Variants in SPECC1L observed in about 807,000 individuals in gnomAD.
The protein encoded by SPECC1L is cytospin-A.
In SPECC1L, 40 loss-of-function variants were observed where a neutral mutation model predicts 116.8. The ratio of observed to expected loss-of-function variants is 0.34; its 90% confidence interval spans 0.27 to 0.45. SPECC1L has a LOEUF of 0.45. Among genes scored for constraint, SPECC1L ranks in the 20% least tolerant of loss-of-function variants. The probability of loss-of-function intolerance (pLI) is 1.00; values close to 1 mark genes in which losing one functional copy is unlikely to be tolerated. For synonymous variants in SPECC1L, 504 were observed against 500.6 expected (o/e 1.01, Z -0.09); for missense variants, 1,110 against 1,373.6 (o/e 0.81, Z 3.03).
At chr22:24,388,618 G>T (rs1419468502) in intron 14 of SPECC1L, among the ~76,000 whole-genome samples, 1 of 152,110 alleles carries the variant, frequency 6.6e-6, no homozygotes, top group African/African-American at 2.4e-5. Context: ...GGATGGCTGG[G>T]TCAAATGGTA....
intron 14 of SPECC1L, among the ~76,000 whole-genome samples, chr22:24,410,011 CCT>C (rs910067512): frequency 7.9e-5 from 12 of 152,206 alleles, no homozygotes; most frequent in African/African-American, 2.9e-4. Flanking sequence ...ACAGAGAGAC[CCT>C]GTCTCAAAAA....
At chr22:24,293,262 T>G (rs1295256329) in intron 2 of SPECC1L, among the ~76,000 whole-genome samples, 12 of 152,176 alleles carry the variant, frequency 7.9e-5, no homozygotes, top group Admixed American at 7.2e-4. Flanking sequence ...GAGACTATCC[T>G]GGCCAACATA....
Position 24,328,914 on chromosome 22 carries a change from C to A in SPECC1L, c.2215C>A (p.Leu739Ile), listed in dbSNP as rs2040881342. The A allele has an allele frequency of 3.1e-6, 5 of 1,612,056 alleles. No homozygotes were observed. In the South Asian group the frequency reaches 3.3e-5, roughly 11 times the overall value. ...EREIKTLHRR[L>I]REESAEWRQF... ...AGAAATAAAGACACTCCACAGAAGA[C>A]TTCGGGTAGGATAAATCTTCATGTA... is the stretch of plus-strand genomic sequence containing the variant. Residue 739 changes from leucine (L) to isoleucine (I), a missense_variant, in exon 7 of 17, where the codon CTT (leucine) becomes ATT (isoleucine). This residue lies in a region of SPECC1L where 575 missense variants were observed against 682.4 expected (regional missense o/e 0.84). Coordinates refer to ENST00000314328, the MANE Select transcript of SPECC1L (RefSeq NM_015330.6).
chr22:24,366,101 G>T (rs775292586), intron 13 of SPECC1L, among the ~76,000 whole-genome samples: 3 of 152,006 alleles, frequency 2.0e-5, no homozygotes, highest in Non-Finnish European at 2.9e-5. Flanking sequence ...AGATTCAGTA[G>T]ACTGATACAG....
At chr22:24,386,307 G>A (rs1347209093) in intron 14 of SPECC1L, among the ~76,000 whole-genome samples, 1 of 152,062 alleles carries the variant, frequency 6.6e-6, no homozygotes, top group African/African-American at 2.4e-5. Context: ...ATTCAGTTTT[G>A]TATGTAAAGC....
rs1331028833 is a variant in SPECC1L, at chr22:24,415,055, G to A, written c.*432G>A. On this transcript the variant is annotated 3_prime_UTR_variant, in exon 17 of 17. Coordinates refer to ENST00000314328, the MANE Select transcript of SPECC1L (RefSeq NM_015330.6). ...CTGACTATTGGCTGGGGTGGGTTCC[G>A]GTGCTGGTGAGAACCCAGAAGGAGA... The A allele has an allele frequency of 8.2e-6, 2 of 244,412 alleles. No individual in the cohort carries two copies. Among genetic ancestry groups the A allele is most frequent in the Non-Finnish European group, 1.6e-5 (2 of 121,382 alleles). The allele number at this position is 244,412 out of a possible 1,614,324, so 15.1% of individuals were successfully genotyped here.
At chr22:24,290,172 T>C (rs1234399276) in intron 2 of SPECC1L, among the ~76,000 whole-genome samples, 1 of 152,212 alleles carries the variant, frequency 6.6e-6, no homozygotes, top group Non-Finnish European at 1.5e-5. Flanking sequence ...CTTTCTTAAC[T>C]GGTTGGACAG....
At chr22:24,406,929 G>C (rs2042603619) in intron 14 of SPECC1L, among the ~76,000 whole-genome samples, 1 of 152,226 alleles carries the variant, frequency 6.6e-6, no homozygotes, top group Non-Finnish European at 1.5e-5. Flanking sequence ...GACGTTGGGA[G>C]CAGAGGGCTG....
intron 14 of SPECC1L, among the ~76,000 whole-genome samples, chr22:24,388,522 T>C (rs538399196): frequency 1.3e-4 from 19 of 151,944 alleles, no homozygotes; most frequent in Non-Finnish European, 2.6e-4. Context: ...TCTTTGCTAT[T>C]GTGAATAGTG....
chr22:24,281,628 G>T (rs936973540), intron 2 of SPECC1L, among the ~76,000 whole-genome samples: 1 of 151,978 alleles, frequency 6.6e-6, no homozygotes, highest in African/African-American at 2.4e-5. Context: ...ATAATACTTG[G>T]TTTTTGTGTA....
At chr22:24,307,351 G>A (rs2049520823) in intron 3 of SPECC1L, among the ~76,000 whole-genome samples, 1 of 152,078 alleles carries the variant, frequency 6.6e-6, no homozygotes, top group Non-Finnish European at 1.5e-5. Context: ...GTGTGAGAGG[G>A]TACAGTGTCT....
At chr22:24,310,241 A>G (rs936524208) in intron 3 of SPECC1L, among the ~76,000 whole-genome samples, 6 of 152,176 alleles carry the variant, frequency 3.9e-5, no homozygotes, top group Non-Finnish European at 8.8e-5. Flanking sequence ...AGTGTACTTC[A>G]TATGCTTTCC....
In SPECC1L at chr22:24,313,452, C is replaced by T. The variant is rs35783914; in HGVS notation, c.293C>T (p.Ser98Phe). The change falls in exon 4 of 17, where the codon TCC (serine) becomes TTC (phenylalanine). Residue 98 changes from serine to phenylalanine, a missense_variant. This residue lies in a region of SPECC1L where 437 missense variants were observed against 482.6 expected (regional missense o/e 0.91). Transcript: ENST00000314328. Reference sequence around the variant, plus strand: ...GCCATGACCACCGTGGAGAACAAATCCAAGATTAGCACAGGTAACGGTGAC... The same window carrying T: ...GCCATGACCACCGTGGAGAACAAATTCAAGATTAGCACAGGTAACGGTGAC... ...APAMTTVENK[S>F]KISTGTASST... The T allele has an allele frequency of 5.3e-3, 8,528 of 1,614,014 alleles. 41 individuals are homozygous for T. Among genetic ancestry groups the T allele is most frequent in the Middle Eastern group, 8.0e-3 (48 of 5,976 alleles).
intron 12 of SPECC1L, 80 bp from the exon 13 acceptor site, chr22:24,365,396 G>T: frequency 2.2e-6 from 3 of 1,340,082 alleles, no homozygotes; most frequent in South Asian, 1.2e-5. Context: ...GTTGTTTTTG[G>T]AATCTTCAGA....
intron 3 of SPECC1L, 96 bp downstream of exon 3, chr22:24,302,480 C>T: frequency 2.0e-6 from 3 of 1,497,616 alleles, no homozygotes; most frequent in Non-Finnish European, 2.8e-6. Context: ...AGGGGTGTGC[C>T]CTCTTCTGGT....
At position 24,406,772 on chromosome 22, in the gene SPECC1L, G is replaced by C. The variant is rs903100825; in HGVS notation, c.3088-4816G>C. Among the ~76,000 whole-genome samples the C allele has an allele frequency of 1.1e-4, 16 of 152,216 alleles. 1 individual carries two copies. Among genetic ancestry groups the C allele is most frequent in the Non-Finnish European group, 2.9e-5 (2 of 68,034 alleles). ...ATTAACGGGCCGTGGTGGCCGTGTG[G>C]AGGGGAGCTCCCCGCCTTCCTGCCT... On this transcript the variant is annotated intron_variant, in intron 14 of 16. Coordinates refer to ENST00000314328, the MANE Select transcript of SPECC1L (RefSeq NM_015330.6).
intron 3 of SPECC1L, among the ~76,000 whole-genome samples, chr22:24,303,047 C>G (rs1394619192): frequency 6.6e-6 from 1 of 152,074 alleles, no homozygotes; most frequent in East Asian, 1.9e-4. Context: ...CCAGGCTGGT[C>G]TCCTGGGTTC....
chr22:24,406,683 T>C (rs1463507599), intron 14 of SPECC1L, among the ~76,000 whole-genome samples: 1 of 152,136 alleles, frequency 6.6e-6, no homozygotes, highest in African/African-American at 2.4e-5. Flanking sequence ...ATTTCTCTGG[T>C]GATTCCATGC....
At chr22:24,310,167 A>G (rs1393737451) in intron 3 of SPECC1L, among the ~76,000 whole-genome samples, 1 of 152,194 alleles carries the variant, frequency 6.6e-6, no homozygotes, top group African/African-American at 2.4e-5. Context: ...ATCTCTCTCC[A>G]TACCAATTGG....
Sources: allele counts gnomAD v4.1 joint callset (sites outside exome capture counted in the v4.1 genomes callset), GRCh38; gene constraint gnomAD v4.1.1; regional missense constraint gnomAD v4.1.1; transcripts MANE v1.5; gene names NCBI Gene and HGNC (gene_info 2026-07-23, HGNC 2026-07-21).